Variants in CHST11 observed in about 807,000 individuals in gnomAD.
CHST11 encodes carbohydrate sulfotransferase 11, also known as C4S-1.
CHST11 carries 9 observed loss-of-function variants against 30.4 expected under a neutral mutation model. The ratio of observed to expected loss-of-function variants is 0.30; its 90% CI spans 0.18 to 0.52. The LOEUF (loss-of-function observed/expected upper bound fraction) is 0.52. Ranked by LOEUF, CHST11 falls within the 20% of genes least tolerant of loss-of-function variation. The pLI is 0.97. For missense variants in CHST11, 348 were observed against 460.6 expected, an observed-to-expected ratio of 0.76 and a Z score of 2.24; for synonymous variants, 152 against 187.8, an observed-to-expected ratio of 0.81 and a Z score of 1.56.
chr12:104,662,039 C>A (rs2039603079), intron 2 of CHST11, among the ~76,000 whole-genome samples: 1 of 152,106 alleles, frequency 6.6e-6, no homozygotes. Flanking sequence ...TGAAGGAGAG[C>A]AGGAAATCAT....
At chr12:104,694,208 G>A (rs1445710546) in intron 2 of CHST11, among the ~76,000 whole-genome samples, 1 of 152,074 alleles carries the variant, frequency 6.6e-6, no homozygotes, top group East Asian at 1.9e-4. Context: ...TACATTAAAA[G>A]CCCCCAAGAG....
intron 1 of CHST11, among the ~76,000 whole-genome samples, chr12:104,505,549 C>A (rs1411916446): frequency 6.6e-6 from 1 of 152,208 alleles, no homozygotes; most frequent in East Asian, 1.9e-4. Context: ...AAGTTATTTT[C>A]AGAGCAATTG....
chr12:104,672,671 C>T (rs2039707128), intron 2 of CHST11, among the ~76,000 whole-genome samples: 1 of 152,208 alleles, frequency 6.6e-6, no homozygotes, highest in African/African-American at 2.4e-5. Context: ...TGACGGGCAG[C>T]TCAGTGCATG....
At chr12:104,656,538 A>C (rs1041226824) in intron 2 of CHST11, among the ~76,000 whole-genome samples, 1 of 152,200 alleles carries the variant, frequency 6.6e-6, no homozygotes, top group Admixed American at 6.5e-5. Context: ...CAACTATGGC[A>C]TGCTGGCAGA....
At chr12:104,597,238 G>A (rs980009891) in intron 1 of CHST11, among the ~76,000 whole-genome samples, 49 of 152,134 alleles carry the variant, frequency 3.2e-4, no homozygotes, top group Non-Finnish European at 5.3e-4. Context: ...TGTATCGTGG[G>A]AGATATAGAA....
At chr12:104,749,525 A>T (rs1566064326) in intron 2 of CHST11, among the ~76,000 whole-genome samples, 1 of 152,256 alleles carries the variant, frequency 6.6e-6, no homozygotes, top group East Asian at 1.9e-4. Context: ...CTCACAGCTC[A>T]GATAATTGTC....
At chr12:104,530,904 G>A (rs1254436821) in intron 1 of CHST11, among the ~76,000 whole-genome samples, 3 of 152,138 alleles carry the variant, frequency 2.0e-5, no homozygotes, top group South Asian at 2.1e-4. Context: ...TAGATGTTTC[G>A]CAGGAGCTTT....
At chr12:104,673,624 A>G (rs1354368965) in intron 2 of CHST11, among the ~76,000 whole-genome samples, 3 of 152,204 alleles carry the variant, frequency 2.0e-5, no homozygotes, top group African/African-American at 7.2e-5. Flanking sequence ...GATTATCATC[A>G]TGGCATCATA....
At chr12:104,660,447 T>C (rs1438038016) in intron 2 of CHST11, among the ~76,000 whole-genome samples, 1 of 152,184 alleles carries the variant, frequency 6.6e-6, no homozygotes, top group Non-Finnish European at 1.5e-5. Flanking sequence ...AGGGAAAACA[T>C]GGCTATGGTA....
intron 2 of CHST11, among the ~76,000 whole-genome samples, chr12:104,605,632 G>A (rs2038998320): frequency 6.6e-6 from 1 of 152,188 alleles, no homozygotes; most frequent in African/African-American, 2.4e-5. Flanking sequence ...TAGAAAAACT[G>A]TACTCTGATG....
At chr12:104,728,081 A>G (rs1331656126) in intron 2 of CHST11, among the ~76,000 whole-genome samples, 2 of 150,598 alleles carry the variant, frequency 1.3e-5, no homozygotes, top group Non-Finnish European at 3.0e-5. Flanking sequence ...AATAATAGTA[A>G]TAATAATAAT....
chr12:104,665,812 CTTTTTTTTTT>C (rs59199522), intron 2 of CHST11, among the ~76,000 whole-genome samples: 7 of 78,840 alleles, frequency 8.9e-5, no homozygotes, highest in South Asian at 1.0e-3. Flanking sequence ...CTCTCTGTCT[CTTTTTTTTTT>C]TTTTTTTTTT....
intron 2 of CHST11, among the ~76,000 whole-genome samples, chr12:104,683,532 G>A (rs959816925): frequency 1.3e-5 from 2 of 152,138 alleles, no homozygotes; most frequent in Non-Finnish European, 2.9e-5. Context: ...TTGTGGGGTT[G>A]AAATATGGTA....
intron 1 of CHST11, among the ~76,000 whole-genome samples, chr12:104,573,692 C>T (rs1458676129): frequency 2.6e-5 from 4 of 151,722 alleles, no homozygotes; most frequent in Non-Finnish European, 2.9e-5. Flanking sequence ...TTCCTTACAC[C>T]TTATACAAAA....
In CHST11 at chr12:104,759,226, A is replaced by G. The variant is rs1461258856; in HGVS notation, c.*1423A>G. 1 of 152,214 alleles carries G rather than the reference A, an allele frequency of 6.6e-6. No homozygotes were observed. Among genetic ancestry groups the G allele is most frequent in the Non-Finnish European group, 1.5e-5 (1 of 68,036 alleles). 9.4% of individuals were successfully genotyped at this position (152,214 alleles called of 1,614,324 possible). ...CTCCAGAGGCTGAAAGACTATCAGC[A>G]TCTTGGTAACTGCCATGCATGAGCA... On this transcript the variant is annotated 3_prime_UTR_variant, in exon 3 of 3. Transcript: ENST00000303694.
In CHST11 at chr12:104,608,981, C is replaced by A. The variant is rs76999917; in HGVS notation, c.204+6990C>A. Among the ~76,000 whole-genome samples the A allele has an allele frequency of 4.6e-3, 708 of 152,316 alleles. 8 individuals carry two copies. Among genetic ancestry groups the A allele is most frequent in the African/African-American group, 0.016 (672 of 41,570 alleles). ...CAGTAAGAAGGAAAACTCAGACTTG[C>A]TCCAGGCCAGGCGTCAGATGGACAT... On this transcript the variant is annotated intron_variant, in intron 2 of 2. Transcript: ENST00000303694.
rs186558964 is a variant in CHST11 at position 104,757,953 on chromosome 12, C to T, written c.*150C>T. 2.0e-3 allele frequency: 1,779 copies of T among 879,590 alleles called. 9 individuals are homozygous for T. The highest frequency in any genetic ancestry group is 2.3e-3 in the Non-Finnish European group (1,339 of 594,124). The allele number at this position is 879,590 out of a possible 1,614,324, so 54.5% of individuals were successfully genotyped here. ...ATAGTGAGAATTATTTAAAATCCTT[C>T]GTAGGGAAGGACAGCTGTCTTTGCA... On this transcript the variant is annotated 3_prime_UTR_variant, in exon 3 of 3. Coordinates refer to ENST00000303694, the MANE Select transcript of CHST11 (RefSeq NM_018413.6). The surrounding 1 kb of genome is among the most constrained non-coding windows in gnomAD (Gnocchi z 6.5).
At chr12:104,495,518 G>A (rs1427826269) in intron 1 of CHST11, among the ~76,000 whole-genome samples, 1 of 152,064 alleles carries the variant, frequency 6.6e-6, no homozygotes, top group Non-Finnish European at 1.5e-5. Context: ...GATAGTCACA[G>A]TCCTAGTAGG....
intron 2 of CHST11, among the ~76,000 whole-genome samples, chr12:104,641,242 A>G (rs2039373799): frequency 6.6e-6 from 1 of 152,194 alleles, no homozygotes; most frequent in African/African-American, 2.4e-5. Context: ...GATGCCAGAC[A>G]AGAACTCAGG....
Sources: allele counts gnomAD v4.1 joint callset (sites outside exome capture counted in the v4.1 genomes callset), GRCh38; gene constraint gnomAD v4.1.1; non-coding constraint Gnocchi (gnomAD v3.1); transcripts MANE v1.5; gene names NCBI Gene and HGNC (gene_info 2026-07-23, HGNC 2026-07-21).